Variants in FGF14 observed in about 807,000 individuals in gnomAD.
FGF14 encodes fibroblast growth factor 14, also known as fibroblast growth factor homologous factor 4.
Under a neutral mutation model 25.5 loss-of-function variants are expected in FGF14, and 5 were observed. The ratio of observed to expected loss-of-function variants is 0.20; its 90% CI spans 0.10 to 0.41. The LOEUF (loss-of-function observed/expected upper bound fraction) is 0.41, where lower values mean the gene tolerates loss of function less well. Ranked by LOEUF, FGF14 falls within the 10% of genes least tolerant of loss-of-function variation. The pLI is 1.00. For missense variants in FGF14, 222 were observed against 320.1 expected, an observed-to-expected ratio of 0.69 and a Z score of 2.34; for synonymous variants, 138 against 118.3, an observed-to-expected ratio of 1.17 and a Z score of -1.08.
intron 1 of FGF14, among the ~76,000 whole-genome samples, chr13:102,039,620 C>T (rs998934827): frequency 1.3e-5 from 2 of 152,102 alleles, no homozygotes; most frequent in African/African-American, 4.8e-5. Flanking sequence ...AAATGTTCTT[C>T]TTATAAAGAT....
intron 1 of FGF14, among the ~76,000 whole-genome samples, chr13:102,214,862 A>C (rs7321686): frequency 0.032 from 4,921 of 152,216 alleles, 261 homozygotes; most frequent in African/African-American, 0.11. Context: ...AATGTCAGTG[A>C]TGTCAAGGTT....
At chr13:101,724,738 G>C (rs925093273) in intron 4 of FGF14, among the ~76,000 whole-genome samples, 5 of 149,862 alleles carry the variant, frequency 3.3e-5, no homozygotes, top group Admixed American at 6.7e-5. Flanking sequence ...TTGAAAGTTT[G>C]AAATTAATTT....
intron 1 of FGF14, among the ~76,000 whole-genome samples, chr13:101,880,054 T>C (rs1241998254): frequency 6.6e-6 from 1 of 152,200 alleles, no homozygotes; most frequent in African/African-American, 2.4e-5. Flanking sequence ...TTACATTGAA[T>C]TTCCTTTATG....
intron 1 of FGF14, among the ~76,000 whole-genome samples, chr13:102,257,184 A>G (rs749065121): frequency 1.3e-5 from 2 of 152,120 alleles, no homozygotes; most frequent in Non-Finnish European, 2.9e-5. Context: ...CAGTTTACCT[A>G]TTAGAAAAAC....
intron 3 of FGF14, among the ~76,000 whole-genome samples, chr13:101,850,255 G>A (rs2140354388): frequency 9.8e-6 from 1 of 101,714 alleles, no homozygotes; most frequent in Non-Finnish European, 1.8e-5. Flanking sequence ...CCAACATGGT[G>A]AAACCCTGCC....
intron 1 of FGF14, among the ~76,000 whole-genome samples, chr13:101,880,670 G>A (rs1175486402): frequency 6.6e-6 from 1 of 152,134 alleles, no homozygotes; most frequent in Non-Finnish European, 1.5e-5. Flanking sequence ...ACTATAATAT[G>A]GCTTTATATC....
chr13:101,805,355 G>T (rs963399580), intron 3 of FGF14, among the ~76,000 whole-genome samples: 6 of 152,114 alleles, frequency 3.9e-5, no homozygotes, highest in African/African-American at 1.4e-4. Context: ...TTCTATTAAT[G>T]GTGGTTTGTA....
At chr13:102,193,087 T>C (rs1023521035) in intron 1 of FGF14, among the ~76,000 whole-genome samples, 1 of 152,120 alleles carries the variant, frequency 6.6e-6, no homozygotes, top group Non-Finnish European at 1.5e-5. Flanking sequence ...GTACCAAAAT[T>C]AGTGTGAGTC....
intron 1 of FGF14, among the ~76,000 whole-genome samples, chr13:102,164,412 C>T (rs893862951): frequency 6.6e-6 from 1 of 152,096 alleles, no homozygotes; most frequent in African/African-American, 2.4e-5. Context: ...GACCTTGCGA[C>T]CATGCCAGGA....
Position 101,719,191 on chromosome 13 carries a change from T to TAAG in FGF14, c.*3637_*3639dup, listed in dbSNP as rs1555368871. On this transcript the variant is annotated 3_prime_UTR_variant, in exon 5 of 5. Transcript: ENST00000376143. ...ATACGTGTCTAACTTACTTAAAGAA[T>TAAG]AAGTTTTTGGTTTTTGCTTTTAAAG... 6.6e-6 allele frequency: 1 copy of TAAG among 152,108 alleles called. No individual in the cohort carries two copies. The highest frequency in any genetic ancestry group is 2.1e-4 in the South Asian group (1 of 4,836). The allele number at this position is 152,108 out of a possible 1,614,324, so 9.4% of individuals were successfully genotyped here.
chr13:101,750,224 A>G (rs1345384622), intron 3 of FGF14, among the ~76,000 whole-genome samples: 1 of 152,148 alleles, frequency 6.6e-6, no homozygotes, highest in Non-Finnish European at 1.5e-5. Flanking sequence ...TGGTCAGAGC[A>G]CAAATAAGAT....
intron 1 of FGF14, among the ~76,000 whole-genome samples, chr13:102,075,946 G>A (rs982295456): frequency 4.6e-5 from 7 of 152,054 alleles, no homozygotes; most frequent in African/African-American, 1.2e-4. Flanking sequence ...AGAATATAAG[G>A]AAAAATATTT....
At chr13:102,397,336 A>T (rs976056022) in intron 1 of FGF14, among the ~76,000 whole-genome samples, 2 of 152,242 alleles carry the variant, frequency 1.3e-5, no homozygotes, top group Non-Finnish European at 2.9e-5. Context: ...CCAGACAAGT[A>T]GGAAATAGAA....
chr13:102,350,635 C>T (rs573312562), intron 1 of FGF14, among the ~76,000 whole-genome samples: 1 of 152,272 alleles, frequency 6.6e-6, no homozygotes, highest in South Asian at 2.1e-4. Context: ...GTCAAGCTGC[C>T]TGCCATAGCC....
chr13:102,191,364 A>G (rs149944562), intron 1 of FGF14, among the ~76,000 whole-genome samples: 1 of 152,336 alleles, frequency 6.6e-6, no homozygotes, highest in African/African-American at 2.4e-5. Context: ...ATTTTCTCAC[A>G]GTCCTGGAGG....
intron 1 of FGF14, among the ~76,000 whole-genome samples, chr13:102,190,495 C>T (rs2140819496): frequency 6.6e-6 from 1 of 152,226 alleles, no homozygotes; most frequent in South Asian, 2.1e-4. Context: ...CAGCCCCCTA[C>T]AACACAGAAG....
intron 1 of FGF14, among the ~76,000 whole-genome samples, chr13:102,385,950 T>C (rs2058291112): frequency 6.6e-6 from 1 of 152,156 alleles, no homozygotes; most frequent in African/African-American, 2.4e-5. Flanking sequence ...CATAATGTAA[T>C]ATAGCGTTTA....
At chr13:102,362,480 G>T (rs2057595252) in intron 1 of FGF14, among the ~76,000 whole-genome samples, 1 of 152,192 alleles carries the variant, frequency 6.6e-6, no homozygotes, top group Admixed American at 6.5e-5. Context: ...AAGTGCTTCT[G>T]CTCTAAGAGG....
At chr13:101,972,403 G>A (rs921891887) in intron 1 of FGF14, among the ~76,000 whole-genome samples, 2 of 152,174 alleles carry the variant, frequency 1.3e-5, no homozygotes, top group African/African-American at 2.4e-5. Context: ...GGCGCCTGAT[G>A]GCATGGACAA....
Sources: allele counts gnomAD v4.1 joint callset (sites outside exome capture counted in the v4.1 genomes callset), GRCh38; gene constraint gnomAD v4.1.1; transcripts MANE v1.5; gene names NCBI Gene and HGNC (gene_info 2026-07-23, HGNC 2026-07-21).